The following MAGI2 variants were observed in gnomAD, a reference collection of about 807,000 sequenced individuals.
MAGI2 encodes the protein membrane associated guanylate kinase, WW and PDZ domain containing 2.
In MAGI2, 35 loss-of-function variants were observed where a neutral mutation model predicts 133.3. The ratio of observed to expected loss-of-function variants is 0.26; its 90% CI spans 0.20 to 0.35. The LOEUF (loss-of-function observed/expected upper bound fraction) is 0.35. MAGI2 is among the 10% of genes least tolerant of loss of function. The pLI is 1.00. For synonymous variants in MAGI2, 729 were observed against 710.6 expected (o/e 1.03, Z -0.41); for missense variants, 1,636 against 1,863.4 (o/e 0.88, Z 2.25).
At chr7:78,188,449 A>G (rs1299454219) in intron 12 of MAGI2, among the ~76,000 whole-genome samples, 2 of 152,178 alleles carry the variant, frequency 1.3e-5, no homozygotes, top group East Asian at 3.8e-4. Context: ...TTCCCATGAG[A>G]AAAGGTTGCA....
intron 1 of MAGI2, among the ~76,000 whole-genome samples, chr7:79,033,477 T>C (rs1584745632): frequency 6.9e-6 from 1 of 144,070 alleles, no homozygotes; most frequent in South Asian, 2.2e-4. Context: ...CTGTGTAAGA[T>C]GTGTAAGTAA....
intron 2 of MAGI2, among the ~76,000 whole-genome samples, chr7:78,844,121 A>G (rs1792383252): frequency 6.6e-6 from 1 of 151,294 alleles, no homozygotes; most frequent in African/African-American, 2.4e-5. Flanking sequence ...AAGAGATTGG[A>G]AAAAAGTTTT....
chr7:79,341,079 C>T (rs914420231), intron 1 of MAGI2, among the ~76,000 whole-genome samples: 1 of 152,080 alleles, frequency 6.6e-6, no homozygotes, highest in African/African-American at 2.4e-5. Context: ...GTGGAAAGAT[C>T]CTTAAATCTG....
At chr7:79,218,907 G>C (rs1305057312) in intron 1 of MAGI2, among the ~76,000 whole-genome samples, 1 of 152,092 alleles carries the variant, frequency 6.6e-6, no homozygotes, top group Non-Finnish European at 1.5e-5. Flanking sequence ...AGTTACATAA[G>C]TAACATTCCT....
At chr7:79,432,013 A>C (rs2129187450) in intron 1 of MAGI2, among the ~76,000 whole-genome samples, 1 of 152,324 alleles carries the variant, frequency 6.6e-6, no homozygotes, top group South Asian at 2.1e-4. Context: ...TCATAGAGTT[A>C]ATGTGAGCCT....
At chr7:78,979,792 A>G (rs996146933) in intron 2 of MAGI2, among the ~76,000 whole-genome samples, 2 of 151,910 alleles carry the variant, frequency 1.3e-5, no homozygotes, top group Non-Finnish European at 2.9e-5. Context: ...TAATTCACAT[A>G]GAACACACTA....
intron 1 of MAGI2, among the ~76,000 whole-genome samples, chr7:79,065,482 G>A (rs1323013017): frequency 1.3e-5 from 2 of 152,004 alleles, no homozygotes; most frequent in Non-Finnish European, 2.9e-5. Flanking sequence ...TCAAGAACTT[G>A]CAGTTTATTG....
intron 14 of MAGI2, among the ~76,000 whole-genome samples, chr7:78,169,544 G>A (rs888378150): frequency 7.4e-5 from 11 of 148,636 alleles, no homozygotes; most frequent in Admixed American, 4.7e-4. Flanking sequence ...GAACACCCAG[G>A]ACTTCTCAGG....
At chr7:78,516,062 T>A (rs1796015216) in intron 4 of MAGI2, among the ~76,000 whole-genome samples, 1 of 152,214 alleles carries the variant, frequency 6.6e-6, no homozygotes, top group South Asian at 2.1e-4. Flanking sequence ...AGTTTTTACT[T>A]TTCATTGTGA....
At chr7:78,916,568 G>T (rs764750508) in intron 2 of MAGI2, among the ~76,000 whole-genome samples, 1 of 152,088 alleles carries the variant, frequency 6.6e-6, no homozygotes, top group Admixed American at 6.6e-5. Flanking sequence ...TGAAAGTTTC[G>T]CAGAGGAGGG....
Position 78,160,253 on chromosome 7 carries a change from C to A in MAGI2, c.2617G>T (p.Gly873Trp). The change falls in exon 16 of 22, where the codon GGG becomes TGG. Residue 873 changes from glycine (G) to tryptophan (W), a missense_variant. Coordinates refer to ENST00000354212, the MANE Select transcript of MAGI2 (RefSeq NM_012301.4). Reference sequence around the variant, plus strand: ...GTGGATACAGAGCCTGGACTTCTCCCGTTCTCTGGGCAGGGCTCCCCTGCA... The same window carrying A: ...GTGGATACAGAGCCTGGACTTCTCCAGTTCTCTGGGCAGGGCTCCCCTGCA... ...LCGGEPCPENGRSPGSVSTHH... is the reference protein window; with the variant it reads ...LCGGEPCPENWRSPGSVSTHH... 1.3e-6 allele frequency: 2 copies of A among 1,597,172 alleles called. No individual in the cohort carries two copies. The highest frequency in any genetic ancestry group is 1.7e-6 in the Non-Finnish European group (2 of 1,170,618).
chr7:79,052,329 T>C (rs1192914253), intron 1 of MAGI2, among the ~76,000 whole-genome samples: 1 of 152,032 alleles, frequency 6.6e-6, no homozygotes, highest in Non-Finnish European at 1.5e-5. Flanking sequence ...CTGTGCAAAA[T>C]AAAAATGCAG....
chr7:78,503,286 C>T (rs934027206), intron 4 of MAGI2, among the ~76,000 whole-genome samples: 1 of 152,072 alleles, frequency 6.6e-6, no homozygotes, highest in Non-Finnish European at 1.5e-5. Context: ...TGAAAAATTA[C>T]TCTAACCATA....
Position 78,887,063 on chromosome 7 carries a change from G to A in MAGI2, c.418+120027C>T, listed in dbSNP as rs532983174. ...CCCTTCAGCCATAATTGTAAGTTTC[G>A]TGAGGCCTCCCCAGCCCCATGGAAC... On this transcript the variant is annotated intron_variant, in intron 2 of 21. Transcript: ENST00000354212. Among the ~76,000 whole-genome samples the A allele has an allele frequency of 7.4e-4, 113 of 152,184 alleles. 1 individual carries two copies. The highest frequency in any genetic ancestry group is 2.4e-3 in the African/African-American group (99 of 41,550).
At chr7:78,894,664 AGAT>A (rs1797063596) in intron 2 of MAGI2, among the ~76,000 whole-genome samples, 1 of 152,204 alleles carries the variant, frequency 6.6e-6, no homozygotes, top group Admixed American at 6.5e-5. Flanking sequence ...GATTAAAAAT[AGAT>A]TTTTGAAAGA....
At chr7:78,573,369 T>G (rs1374205375) in intron 3 of MAGI2, among the ~76,000 whole-genome samples, 1 of 9,962 alleles carries the variant, frequency 1.0e-4, no homozygotes, top group Non-Finnish European at 1.8e-4. Context: ...CCTGGAAATA[T>G]ATATATATAT....
chr7:78,754,747 C>T (rs1027306669), intron 2 of MAGI2, among the ~76,000 whole-genome samples: 4 of 152,150 alleles, frequency 2.6e-5, no homozygotes, highest in Non-Finnish European at 4.4e-5. Flanking sequence ...AAATTCTAAA[C>T]GATTCACTAA....
chr7:79,128,188 T>G (rs1044721930), intron 1 of MAGI2, among the ~76,000 whole-genome samples: 1 of 150,188 alleles, frequency 6.7e-6, no homozygotes, highest in Non-Finnish European at 1.5e-5. Context: ...TCTCTCTCCT[T>G]TTTTTTTTGA....
intron 2 of MAGI2, among the ~76,000 whole-genome samples, chr7:78,876,444 C>T (rs1421471590): frequency 1.3e-5 from 2 of 151,476 alleles, no homozygotes; most frequent in Non-Finnish European, 2.9e-5. Flanking sequence ...AAATAATGGT[C>T]TAAGCCTAGC....
Sources: gnomAD v4.1 joint callset for allele counts (sites outside exome capture counted in the v4.1 genomes callset) on GRCh38, gnomAD v4.1.1 for gene constraint, MANE v1.5 for transcripts, NCBI Gene and HGNC (gene_info 2026-07-23, HGNC 2026-07-21) for gene names.